SLC25A13: variants seen among roughly 807,000 people sequenced by gnomAD.
The protein encoded by SLC25A13 is solute carrier family 25 member 13, also known as electrogenic aspartate/glutamate antiporter SLC25A13, mitochondrial.
A neutral mutation model predicts 85.5 loss-of-function variants in SLC25A13; 70 were observed. That is an observed-to-expected ratio of 0.82 (90% CI 0.68 to 1.00). The LOEUF (loss-of-function observed/expected upper bound fraction) is 1.00, where lower values mean the gene tolerates loss of function less well. Among genes scored for constraint, SLC25A13 ranks in the 50% least tolerant of loss-of-function variants. The pLI, the probability that SLC25A13 is intolerant of heterozygous loss-of-function variation, is 0.00. For missense variants in SLC25A13, 765 were observed against 819.8 expected, an observed-to-expected ratio of 0.93 and a Z score of 0.82; for synonymous variants, 259 against 288.7, an observed-to-expected ratio of 0.90 and a Z score of 1.04.
intron 4 of SLC25A13, among the ~76,000 whole-genome samples, chr7:96,216,925 AAAAG>A (rs777417626): frequency 6.6e-6 from 1 of 152,194 alleles, no homozygotes; most frequent in Admixed American, 6.5e-5. Context: ...AAGAGAGAAA[AAAAG>A]AAAAGAAAAA....
chr7:96,122,327 GTTTTC>G (rs1286852178), intron 15 of SLC25A13, among the ~76,000 whole-genome samples: 1 of 152,162 alleles, frequency 6.6e-6, no homozygotes, highest in Non-Finnish European at 1.5e-5. Context: ...GGAGAAAGCG[GTTTTC>G]TTTTCTTTTT....
At chr7:96,230,596 C>T (rs1003466104) in intron 4 of SLC25A13, among the ~76,000 whole-genome samples, 1 of 152,230 alleles carries the variant, frequency 6.6e-6, no homozygotes, top group African/African-American at 2.4e-5. Flanking sequence ...TACCAACACC[C>T]TGTCATATAC....
chr7:96,134,877 G>A (rs534546646), intron 14 of SLC25A13, among the ~76,000 whole-genome samples: 18 of 146,756 alleles, frequency 1.2e-4, no homozygotes, highest in African/African-American at 3.8e-4. Flanking sequence ...GTTGTATTTC[G>A]TTTTCCAGGA....
chr7:96,296,973 T>C, intron 1 of SLC25A13, 22 bp from the exon 2 acceptor site: 1 of 1,597,404 alleles, frequency 6.3e-7, no homozygotes, highest in East Asian at 2.2e-5. Flanking sequence ...CATAAAAATG[T>C]TTATGTTATT....
rs575785195 is a variant in SLC25A13, at chr7:96,183,090, G to A, written c.1177+1187C>T. Among the ~76,000 whole-genome samples the A allele has an allele frequency of 2.6e-5, 4 of 152,274 alleles. No homozygotes were observed. The South Asian group carries it at 8.3e-4, about 32-fold the overall frequency. On this transcript the variant is annotated intron_variant, in intron 11 of 17. Coordinates refer to ENST00000265631, the MANE Select transcript of SLC25A13 (RefSeq NM_014251.3). ...CAAATGGAAGGCAGTGACCCTGAAA[G>A]GGTCATCATCAATCACCTGAGGTCA... is the stretch of plus-strand genomic sequence containing the variant.
intron 3 of SLC25A13, among the ~76,000 whole-genome samples, chr7:96,275,683 C>A (rs1429479085): frequency 1.3e-5 from 2 of 150,784 alleles, no homozygotes; most frequent in South Asian, 2.1e-4. Context: ...GGGAATTGAA[C>A]AATGAGAACA....
chr7:96,270,300 A>G (rs911892431), intron 3 of SLC25A13, among the ~76,000 whole-genome samples: 5 of 152,360 alleles, frequency 3.3e-5, no homozygotes, highest in Non-Finnish European at 7.4e-5. Flanking sequence ...TCACACCTAT[A>G]ATCCCAGCAC....
At chr7:96,141,687 T>C (rs113065184) in intron 14 of SLC25A13, among the ~76,000 whole-genome samples, 2,000 of 152,306 alleles carry the variant, frequency 0.013, 33 homozygotes, top group African/African-American at 0.045. Flanking sequence ...GTTCTCAAAG[T>C]AGACTAAACA....
intron 4 of SLC25A13, among the ~76,000 whole-genome samples, chr7:96,215,379 T>C (rs538407295): frequency 2.1e-3 from 324 of 152,214 alleles, no homozygotes; most frequent in Non-Finnish European, 2.9e-3. Context: ...ATAGGCTTGA[T>C]CCACCACGCC....
At chr7:96,152,275 C>G (rs920677196) in intron 13 of SLC25A13, among the ~76,000 whole-genome samples, 1 of 152,144 alleles carries the variant, frequency 6.6e-6, no homozygotes, top group Non-Finnish European at 1.5e-5. Flanking sequence ...AGCTGGTAAA[C>G]ACAGCTTAGG....
At chr7:96,280,183 A>AT (rs1395402547) in intron 2 of SLC25A13, among the ~76,000 whole-genome samples, 4 of 152,156 alleles carry the variant, frequency 2.6e-5, no homozygotes, top group South Asian at 2.1e-4. Context: ...TTAGGACAGA[A>AT]TTTTTTTTCT....
At chr7:96,314,838 G>A (rs549968303) in intron 1 of SLC25A13, among the ~76,000 whole-genome samples, 13 of 152,220 alleles carry the variant, frequency 8.5e-5, no homozygotes, top group African/African-American at 2.9e-4. Context: ...ACTTTTTTAC[G>A]CTACATATCA....
intron 13 of SLC25A13, among the ~76,000 whole-genome samples, chr7:96,162,596 T>G (rs1026522326): frequency 4.6e-5 from 7 of 152,074 alleles, no homozygotes; most frequent in Non-Finnish European, 1.0e-4. Context: ...CTGAACAACT[T>G]AAGCTAATTA....
At chr7:96,307,969 C>T (rs544637778) in intron 1 of SLC25A13, among the ~76,000 whole-genome samples, 58 of 151,894 alleles carry the variant, frequency 3.8e-4, no homozygotes, top group African/African-American at 1.3e-3. Flanking sequence ...CTGACCACCA[C>T]GGAGAAACTC....
chr7:96,218,755 T>C (rs957260426), intron 4 of SLC25A13, among the ~76,000 whole-genome samples: 2 of 152,198 alleles, frequency 1.3e-5, no homozygotes, highest in Non-Finnish European at 2.9e-5. Context: ...AAAGGGATGT[T>C]TGTGTTAAAC....
chr7:96,246,389 A>G (rs2116852955), intron 3 of SLC25A13, among the ~76,000 whole-genome samples: 1 of 152,334 alleles, frequency 6.6e-6, no homozygotes, highest in African/African-American at 2.4e-5. Context: ...GCCTTTCTCA[A>G]TAGGTTTTTC....
intron 3 of SLC25A13, among the ~76,000 whole-genome samples, chr7:96,250,296 C>T (rs567312200): frequency 6.6e-6 from 1 of 152,326 alleles, no homozygotes; most frequent in South Asian, 2.1e-4. Context: ...TAGGGGCTTT[C>T]AGGGTTTTGC....
intron 15 of SLC25A13, among the ~76,000 whole-genome samples, chr7:96,127,604 A>G (rs1055845086): frequency 1.3e-5 from 2 of 152,228 alleles, no homozygotes; most frequent in African/African-American, 4.8e-5. Context: ...TGAAATTATT[A>G]TCTAAACATA....
Position 96,171,465 on chromosome 7 carries a change from G to C in SLC25A13, c.1230+7C>G. On this transcript the variant is annotated splice_region_variant and intron_variant, in intron 12 of 17. Coordinates refer to ENST00000265631, the MANE Select transcript of SLC25A13 (RefSeq NM_014251.3). ...CTTAATAAGAAGCACCAACTCAAAA[G>C]ACTTACTGTAAGTTTTATGGCCTTC... The C allele has an allele frequency of 8.1e-6, 13 of 1,612,026 alleles. No homozygotes were observed. Among genetic ancestry groups the C allele is most frequent in the Non-Finnish European group, 1.1e-5 (13 of 1,178,194 alleles).
Sources: allele counts gnomAD v4.1 joint callset (sites outside exome capture counted in the v4.1 genomes callset), GRCh38; gene constraint gnomAD v4.1.1; transcripts MANE v1.5; gene names NCBI Gene and HGNC (gene_info 2026-07-23, HGNC 2026-07-21).